The following EPM2A variants were observed in gnomAD, a reference collection of about 807,000 sequenced individuals.
EPM2A encodes EPM2A glucan phosphatase, laforin, also known as laforin.
A neutral mutation model predicts 26.5 loss-of-function variants in EPM2A; 21 were observed. The observed-to-expected ratio is 0.79, with a 90% CI of 0.56 to 1.14. The LOEUF (loss-of-function observed/expected upper bound fraction) is 1.14. Among genes scored for constraint, EPM2A ranks in the 50% most tolerant of loss-of-function variants. The pLI is 0.00. For missense variants in EPM2A, 458 were observed against 440.8 expected (o/e 1.04, Z -0.35); for synonymous variants, 217 against 177.6 (o/e 1.22, Z -1.76).
downstream of EPM2A, among the ~76,000 whole-genome samples, chr6:145,497,761 G>A (rs1779839734): frequency 6.6e-6 from 1 of 152,248 alleles, no homozygotes; most frequent in South Asian, 2.1e-4. Flanking sequence ...CCCTAGTTAG[G>A]AAGTCCTGCC....
At chr6:145,385,708 G>A (rs1209696697) in intron 4 of EPM2A, among the ~76,000 whole-genome samples, 1 of 151,978 alleles carries the variant, frequency 6.6e-6, no homozygotes, top group African/African-American at 2.4e-5. Flanking sequence ...AACCTTCATC[G>A]TATTTAAGAC....
intron 4 of EPM2A, among the ~76,000 whole-genome samples, chr6:145,452,455 C>T (rs1477974597): frequency 7.7e-6 from 1 of 130,434 alleles, no homozygotes; most frequent in Non-Finnish European, 1.5e-5. Flanking sequence ...ACCATCCTGG[C>T]TAACATGGTG....
At chr6:145,411,273 A>G (rs1404086684) in intron 4 of EPM2A, among the ~76,000 whole-genome samples, 2 of 152,232 alleles carry the variant, frequency 1.3e-5, no homozygotes, top group African/African-American at 4.8e-5. Flanking sequence ...GACAATATAC[A>G]TTCCCTAATA....
intron 1 of EPM2A, among the ~76,000 whole-genome samples, chr6:145,702,474 AAG>A (rs1781972183): frequency 1.3e-5 from 2 of 149,056 alleles, no homozygotes; most frequent in African/African-American, 5.2e-5. Flanking sequence ...TTGCAAAAAG[AAG>A]AAAAAAAGAA....
At chr6:145,401,727 A>G (rs1198992679) in intron 4 of EPM2A, among the ~76,000 whole-genome samples, 1 of 152,154 alleles carries the variant, frequency 6.6e-6, no homozygotes, top group Non-Finnish European at 1.5e-5. Flanking sequence ...AAGGGCTATC[A>G]ATTTACATCT....
chr6:145,440,183 G>A (rs546779353), intron 4 of EPM2A, among the ~76,000 whole-genome samples: 1 of 152,320 alleles, frequency 6.6e-6, no homozygotes, highest in Non-Finnish European at 1.5e-5. Context: ...AATCATGGCA[G>A]AAGGTGTAAG....
intron 2 of EPM2A, among the ~76,000 whole-genome samples, chr6:145,653,024 A>G (rs1224685746): frequency 6.6e-6 from 1 of 152,206 alleles, no homozygotes; most frequent in Non-Finnish European, 1.5e-5. Context: ...CCATCTAGGA[A>G]AGAAGATTAA....
intron 4 of EPM2A, among the ~76,000 whole-genome samples, chr6:145,389,320 G>C (rs1411844161): frequency 6.6e-6 from 1 of 151,682 alleles, no homozygotes; most frequent in African/African-American, 2.4e-5. Context: ...CACCTAAGTA[G>C]TTGGGATTAC....
intron 4 of EPM2A, among the ~76,000 whole-genome samples, chr6:145,447,184 A>G (rs1779138210): frequency 6.6e-6 from 1 of 152,184 alleles, no homozygotes; most frequent in African/African-American, 2.4e-5. Flanking sequence ...AGGAAGAAAT[A>G]AAAGAAGGAA....
intron 2 of EPM2A, among the ~76,000 whole-genome samples, chr6:145,574,000 CT>C (rs1041365382): frequency 2.0e-5 from 3 of 152,274 alleles, no homozygotes; most frequent in African/African-American, 7.2e-5. Flanking sequence ...CACAGTTACC[CT>C]GGTAAAAGGC....
chr6:145,392,206 G>T (rs1778346005), intron 4 of EPM2A, among the ~76,000 whole-genome samples: 1 of 152,184 alleles, frequency 6.6e-6, no homozygotes. Context: ...AACGGAGAGG[G>T]TTTGGACCTC....
intron 2 of EPM2A, among the ~76,000 whole-genome samples, chr6:145,570,380 C>T (rs746548339): frequency 1.3e-5 from 2 of 152,200 alleles, no homozygotes; most frequent in Non-Finnish European, 2.9e-5. Context: ...ACAACTGAAA[C>T]TCACCAATCC....
At chr6:145,682,445 T>C (rs1414303492) in intron 2 of EPM2A, 1 of 152,218 alleles carries the variant, frequency 6.6e-6, no homozygotes, top group Non-Finnish European at 1.5e-5. Flanking sequence ...GAGAAAAAGA[T>C]GGCTTCACAT....
intron 1 of EPM2A, among the ~76,000 whole-genome samples, chr6:145,696,691 A>G (rs941793867): frequency 2.0e-5 from 3 of 152,042 alleles, no homozygotes; most frequent in Admixed American, 2.0e-4. Flanking sequence ...TAAGGAAGTT[A>G]GAATTTGGAG....
At chr6:145,383,471 AG>A (rs958763117) in exon 5 of EPM2A, 2 of 152,228 alleles carry the variant, frequency 1.3e-5, no homozygotes, top group Non-Finnish European at 2.9e-5. Context: ...GTGGAAGCAA[AG>A]GGGAAGCAGA....
At chr6:145,661,229 T>A (rs1778685550) in intron 2 of EPM2A, among the ~76,000 whole-genome samples, 1 of 152,214 alleles carries the variant, frequency 6.6e-6, no homozygotes, top group Non-Finnish European at 1.5e-5. Context: ...AATCTGCAGT[T>A]CACCAGGCCA....
rs142526926 is a variant in EPM2A, at chr6:145,492,695, C to T, written c.555+9827G>A. Among the ~76,000 whole-genome samples, 94 of 152,232 alleles carry T rather than the reference C, an allele frequency of 6.2e-4. 1 individual carries two copies. Among genetic ancestry groups the T allele is most frequent in the African/African-American group, 1.9e-3 (79 of 41,560 alleles). ...GAGAAGGTGATTTTCCAGGGAGGAC[C>T]GGATTTTTCTCTGAAGCAGTCTGAT... On this transcript the variant is annotated intron_variant, in intron 4 of 4. Transcript: ENST00000638717.
intron 4 of EPM2A, among the ~76,000 whole-genome samples, chr6:145,481,874 A>G (rs1779614572): frequency 6.6e-6 from 1 of 152,040 alleles, no homozygotes; most frequent in Non-Finnish European, 1.5e-5. Context: ...AGTTTCTTTA[A>G]GGATAATTTA....
intron 2 of EPM2A, among the ~76,000 whole-genome samples, chr6:145,573,772 C>T (rs1343904955): frequency 1.3e-5 from 2 of 152,162 alleles, no homozygotes. Flanking sequence ...ATTCATTCTG[C>T]TGGCACTGGA....
Sources: gnomAD v4.1 joint callset for allele counts (sites outside exome capture counted in the v4.1 genomes callset) on GRCh38, gnomAD v4.1.1 for gene constraint, MANE v1.5 for transcripts, NCBI Gene and HGNC (gene_info 2026-07-23, HGNC 2026-07-21) for gene names.